ANKFN1: variants seen among roughly 807,000 people sequenced by gnomAD.
The protein encoded by ANKFN1 is ankyrin repeat and fibronectin type-III domain-containing protein 1.
ANKFN1 carries 74 observed loss-of-function variants against 108.7 expected under a neutral mutation model. That is an observed-to-expected ratio of 0.68 (90% CI 0.56 to 0.83). The LOEUF is 0.83. Among genes scored for constraint, ANKFN1 ranks in the 40% least tolerant of loss-of-function variants. ANKFN1 has a pLI of 0.00. For missense variants in ANKFN1, 1,505 were observed against 1,382.3 expected (o/e 1.09, Z -1.41); for synonymous variants, 547 against 516.2 (o/e 1.06, Z -0.81).
At chr17:56,059,456 T>C (rs1904935531) in intron 4 of ANKFN1, among the ~76,000 whole-genome samples, 1 of 152,228 alleles carries the variant, frequency 6.6e-6, no homozygotes, top group Non-Finnish European at 1.5e-5. Context: ...TTTGTCAATT[T>C]TGGCTTTTGT....
In ANKFN1 at chr17:56,512,308, C is replaced by T. The variant is rs1429502540; in HGVS notation, c.*1039C>T. Among the ~76,000 whole-genome samples, 4 of 152,164 alleles carry T rather than the reference C, an allele frequency of 2.6e-5. No homozygotes were observed. Among genetic ancestry groups the T allele is most frequent in the Non-Finnish European group, 5.9e-5 (4 of 68,016 alleles). On this transcript the variant is annotated 3_prime_UTR_variant, in exon 21 of 21. Transcript: ENST00000682825. ...ACAACCCCACAGGCTTATCCACTCA[C>T]CCTACATCATAGATCAAGGGGCAGA...
intron 3 of ANKFN1, among the ~76,000 whole-genome samples, chr17:56,307,182 C>T (rs965937483): frequency 6.6e-6 from 1 of 152,176 alleles, no homozygotes; most frequent in African/African-American, 2.4e-5. Context: ...GACTTCATGT[C>T]TAAAACACCA....
At chr17:56,444,132 G>C (rs758779152) in intron 10 of ANKFN1, among the ~76,000 whole-genome samples, 3 of 152,062 alleles carry the variant, frequency 2.0e-5, no homozygotes, top group Non-Finnish European at 4.4e-5. Flanking sequence ...TATTAATTTA[G>C]TATTAAAGTA....
At chr17:56,290,604 T>C (rs1041308820) in intron 3 of ANKFN1, among the ~76,000 whole-genome samples, 1 of 152,134 alleles carries the variant, frequency 6.6e-6, no homozygotes, top group Non-Finnish European at 1.5e-5. Flanking sequence ...TGGGGAAACA[T>C]GCAAACTAAA....
intron 4 of ANKFN1, among the ~76,000 whole-genome samples, chr17:56,057,157 C>A (rs1441385615): frequency 6.6e-6 from 1 of 152,220 alleles, no homozygotes; most frequent in African/African-American, 2.4e-5. Context: ...TCAGTCACAC[C>A]TTTAGGTTCC....
chr17:56,332,394 G>A (rs1259772136), intron 4 of ANKFN1, among the ~76,000 whole-genome samples: 2 of 151,922 alleles, frequency 1.3e-5, no homozygotes, highest in Admixed American at 6.6e-5. Flanking sequence ...CCTATGTTTT[G>A]TTCTAAACAT....
intron 8 of ANKFN1, among the ~76,000 whole-genome samples, chr17:56,399,258 A>G (rs1666614612): frequency 6.6e-6 from 1 of 152,134 alleles, no homozygotes; most frequent in Admixed American, 6.6e-5. Flanking sequence ...TAAAATTTCT[A>G]GAATAAAACA....
intron 4 of ANKFN1, among the ~76,000 whole-genome samples, chr17:56,327,182 C>T (rs192773253): frequency 6.6e-5 from 10 of 152,090 alleles, no homozygotes; most frequent in South Asian, 2.1e-4. Flanking sequence ...TTCTTCATTT[C>T]CTAAATAAGA....
At chr17:56,227,781 A>C in intron 2 of ANKFN1, 136 bp from the exon 3 acceptor site, 1 of 701,562 alleles carries the variant, frequency 1.4e-6, no homozygotes, top group Non-Finnish European at 2.4e-6. Flanking sequence ...GTCTCCCAAT[A>C]AATATATATT....
chr17:56,491,496 T>C (rs1294249656), intron 18 of ANKFN1, among the ~76,000 whole-genome samples: 1 of 152,106 alleles, frequency 6.6e-6, no homozygotes, highest in Non-Finnish European at 1.5e-5. Context: ...AAAAAGGAAA[T>C]GATGGAGACG....
chr17:56,329,209 A>G (rs1034771000), intron 4 of ANKFN1, among the ~76,000 whole-genome samples: 1 of 152,132 alleles, frequency 6.6e-6, no homozygotes, highest in African/African-American at 2.4e-5. Context: ...CTACCTCTTC[A>G]GGCTTCTTTC....
chr17:56,283,097 G>A (rs1240722137), intron 3 of ANKFN1, among the ~76,000 whole-genome samples: 2 of 152,094 alleles, frequency 1.3e-5, no homozygotes, highest in Non-Finnish European at 2.9e-5. Flanking sequence ...TACTCAATAG[G>A]TAGTTTTTCA....
At position 56,477,577 on chromosome 17, in the gene ANKFN1, A is replaced by G. The variant is rs113853993; in HGVS notation, c.1863A>G (p.Gln621=). 1 of 1,613,824 alleles carries G rather than the reference A, an allele frequency of 6.2e-7. No individual in the cohort carries two copies. The highest frequency in any genetic ancestry group is 1.1e-5 in the South Asian group (1 of 91,058). The change falls in exon 16 of 21, where the codon CAA becomes CAG. Residue 621 remains glutamine, a synonymous_variant. Coordinates refer to ENST00000682825, the MANE Select transcript of ANKFN1 (RefSeq NM_001370326.1). ...GYLKLCSSVD[Q]IKVLVTQKLP... ...TAAAGCTCTGTAGCTCTGTGGATCA[A>G]ATCAAAGTTCTTGTTACCCAAAAGT... is the stretch of plus-strand genomic sequence containing the variant.
chr17:56,112,330 T>C (rs1234940835), intron 4 of ANKFN1, among the ~76,000 whole-genome samples: 1 of 152,104 alleles, frequency 6.6e-6, no homozygotes, highest in Admixed American at 6.6e-5. Flanking sequence ...TAATCTGATT[T>C]ACTGTTTATG....
intron 8 of ANKFN1, among the ~76,000 whole-genome samples, chr17:56,385,853 A>C (rs1360595285): frequency 6.6e-6 from 1 of 152,174 alleles, no homozygotes; most frequent in Non-Finnish European, 1.5e-5. Context: ...AGAAACAGGA[A>C]CACTTTTACA....
intron 4 of ANKFN1, among the ~76,000 whole-genome samples, chr17:56,046,515 T>TA (rs143732713): frequency 0.027 from 3,982 of 149,916 alleles, 122 homozygotes; most frequent in African/African-American, 0.078. Flanking sequence ...CTGCAGATTA[T>TA]AAAAAAAAAA....
intron 4 of ANKFN1, among the ~76,000 whole-genome samples, chr17:56,334,988 T>A (rs1204223262): frequency 1.3e-5 from 2 of 152,196 alleles, no homozygotes; most frequent in Non-Finnish European, 2.9e-5. Flanking sequence ...AGGGAATCGT[T>A]TCCCCATTGC....
intron 6 of ANKFN1, among the ~76,000 whole-genome samples, chr17:56,355,097 CT>C (rs2046340372): frequency 6.6e-6 from 1 of 152,014 alleles, no homozygotes; most frequent in Non-Finnish European, 1.5e-5. Context: ...AGAAGAGAGG[CT>C]TTTGAATGTT....
intron 4 of ANKFN1, among the ~76,000 whole-genome samples, chr17:56,128,388 C>T (rs1049709987): frequency 1.3e-5 from 2 of 152,206 alleles, no homozygotes; most frequent in Non-Finnish European, 2.9e-5. Flanking sequence ...AGACTTGCAA[C>T]TGAAGGATGT....
Sources: allele counts gnomAD v4.1 joint callset (sites outside exome capture counted in the v4.1 genomes callset), GRCh38; gene constraint gnomAD v4.1.1; transcripts MANE v1.5; gene names NCBI Gene and HGNC (gene_info 2026-07-23, HGNC 2026-07-21).